The following DGKI variants were observed in gnomAD, a reference collection of about 807,000 sequenced individuals.
DGKI encodes the protein DAG kinase iota.
A neutral mutation model predicts 147.5 loss-of-function variants in DGKI; 55 were observed. That is an observed-to-expected ratio of 0.37 (90% CI 0.30 to 0.47). The LOEUF is 0.47. Ranked by LOEUF, DGKI falls within the 20% of genes least tolerant of loss-of-function variation. The pLI is 1.00. For synonymous variants in DGKI, 469 were observed against 477.1 expected, an observed-to-expected ratio of 0.98 and a Z score of 0.22; for missense variants, 1,007 against 1,323.8, an observed-to-expected ratio of 0.76 and a Z score of 3.71.
At chr7:137,715,992 A>G (rs889005616) in intron 1 of DGKI, among the ~76,000 whole-genome samples, 1 of 152,162 alleles carries the variant, frequency 6.6e-6, no homozygotes, top group Non-Finnish European at 1.5e-5. Flanking sequence ...GTCACCCACT[A>G]GGGCCAGAAT....
At chr7:137,684,671 T>C (rs1823355856) in intron 2 of DGKI, among the ~76,000 whole-genome samples, 1 of 152,212 alleles carries the variant, frequency 6.6e-6, no homozygotes, top group Admixed American at 6.5e-5. Context: ...GTCCCTTCAT[T>C]TACGTGGCTG....
intron 20 of DGKI, among the ~76,000 whole-genome samples, chr7:137,547,816 C>T (rs945491745): frequency 5.3e-5 from 8 of 152,194 alleles, no homozygotes; most frequent in Non-Finnish European, 8.8e-5. Flanking sequence ...GTACATCTAA[C>T]AGCTAGAAGT....
At chr7:137,659,586 T>G (rs1311640164) in intron 3 of DGKI, among the ~76,000 whole-genome samples, 15 of 152,246 alleles carry the variant, frequency 9.9e-5, no homozygotes, top group Non-Finnish European at 2.1e-4. Context: ...TATGAGCCAG[T>G]GCTTACTTCT....
chr7:137,579,299 T>C (rs1217768974), intron 15 of DGKI, among the ~76,000 whole-genome samples: 1 of 152,148 alleles, frequency 6.6e-6, no homozygotes, highest in Non-Finnish European at 1.5e-5. Context: ...CCACTCACTA[T>C]CTACTGACAA....
rs1192483687 is a variant in DGKI at position 137,509,663 on chromosome 7, T to C, written c.2248+12203A>G. On this transcript the variant is annotated intron_variant, in intron 21 of 32. Transcript: ENST00000614521. The stretch of plus-strand genomic sequence containing the variant: ...GTGATGATGGAGGACAAAGACCACT[T>C]GTCAATGCCTCAAAGGCAGTTTGAT... 2.0e-5 allele frequency among the ~76,000 whole-genome samples: 3 copies of C among 152,286 alleles called. No individual in the cohort carries two copies. The East Asian group carries it at 5.8e-4, about 29-fold the overall frequency.
At chr7:137,559,452 G>A (rs900371349) in intron 19 of DGKI, among the ~76,000 whole-genome samples, 12 of 151,798 alleles carry the variant, frequency 7.9e-5, no homozygotes, top group African/African-American at 2.7e-4. Flanking sequence ...GACTATATAA[G>A]TGATGTGATA....
chr7:137,432,306 C>T (rs1415852163), intron 28 of DGKI, among the ~76,000 whole-genome samples: 1 of 152,138 alleles, frequency 6.6e-6, no homozygotes, highest in Non-Finnish European at 1.5e-5. Context: ...GGGCTGTAAC[C>T]TGCAGGAAAT....
rs1819925236 is a variant in DGKI, at chr7:137,599,840, C to T, written c.1233G>A (p.Gln411=). Residue 411 remains glutamine (Q), a synonymous_variant, in exon 11 of 33, where the codon CAG becomes CAA. Transcript: ENST00000614521. ...AGACTTACGCATCTTTTGGCCCTTC[C>T]TGAGAAAGATCAAAGACTTGCCGTG... The part of the protein sequence containing the change: ...LNPRQVFDLS[Q]EGPKDALELY... 1 of 1,613,738 alleles carries T rather than the reference C, an allele frequency of 6.2e-7. No individual in the cohort carries two copies. Among genetic ancestry groups the T allele is most frequent in the Admixed American group, 1.7e-5 (1 of 59,992 alleles).
At chr7:137,793,097 T>C (rs1373256039) in intron 1 of DGKI, among the ~76,000 whole-genome samples, 1 of 152,184 alleles carries the variant, frequency 6.6e-6, no homozygotes, top group African/African-American at 2.4e-5. Flanking sequence ...TCTTTTTTCT[T>C]TTTGTGTAAA....
chr7:137,806,179 C>T (rs543250353), intron 1 of DGKI, among the ~76,000 whole-genome samples: 3 of 152,302 alleles, frequency 2.0e-5, no homozygotes, highest in South Asian at 4.1e-4. Flanking sequence ...ACGAGAAAAA[C>T]GGAGATATCA....
At chr7:137,628,207 T>C (rs978014957) in intron 6 of DGKI, among the ~76,000 whole-genome samples, 3 of 152,084 alleles carry the variant, frequency 2.0e-5, no homozygotes, top group Non-Finnish European at 2.9e-5. Flanking sequence ...TGGGAGAGAA[T>C]AGATACAATA....
chr7:137,398,693 C>T (rs1811641924), intron 30 of DGKI, among the ~76,000 whole-genome samples: 1 of 151,988 alleles, frequency 6.6e-6, no homozygotes, highest in South Asian at 2.1e-4. Context: ...CCTGGTCATC[C>T]AAATCATCTT....
At chr7:137,510,666 C>T (rs1316784870) in intron 21 of DGKI, among the ~76,000 whole-genome samples, 6 of 152,206 alleles carry the variant, frequency 3.9e-5, no homozygotes, top group African/African-American at 1.4e-4. Flanking sequence ...ATTTCTACAT[C>T]ATGCTGTCTG....
intron 6 of DGKI, among the ~76,000 whole-genome samples, chr7:137,635,304 C>T (rs1821271430): frequency 6.6e-6 from 1 of 152,174 alleles, no homozygotes; most frequent in African/African-American, 2.4e-5. Context: ...CAGCAAAAGA[C>T]ACCAAAGCTG....
At chr7:137,653,889 A>G (rs1585332388) in intron 5 of DGKI, among the ~76,000 whole-genome samples, 2 of 152,338 alleles carry the variant, frequency 1.3e-5, no homozygotes, top group Admixed American at 6.5e-5. Flanking sequence ...AGGCTGAACT[A>G]CATTCTAGGA....
chr7:137,508,459 C>T (rs1397579564), intron 21 of DGKI, among the ~76,000 whole-genome samples: 2 of 152,044 alleles, frequency 1.3e-5, no homozygotes, highest in Non-Finnish European at 2.9e-5. Flanking sequence ...ATCTCCTGAC[C>T]TCGTGATCTG....
At chr7:137,771,278 A>G (rs1344487700) in intron 1 of DGKI, among the ~76,000 whole-genome samples, 1 of 152,008 alleles carries the variant, frequency 6.6e-6, no homozygotes, top group African/African-American at 2.4e-5. Context: ...TTTAGTAGAG[A>G]TGGGGTTTCG....
intron 23 of DGKI, among the ~76,000 whole-genome samples, chr7:137,473,443 C>T (rs1815057394): frequency 6.6e-6 from 1 of 152,050 alleles, no homozygotes; most frequent in Admixed American, 6.6e-5. Context: ...TGTTCATTTT[C>T]CTGGACAGAA....
At chr7:137,469,971 C>T (rs775759139) in intron 23 of DGKI, among the ~76,000 whole-genome samples, 3 of 152,140 alleles carry the variant, frequency 2.0e-5, no homozygotes, top group Non-Finnish European at 2.9e-5. Flanking sequence ...GTCATTGACA[C>T]ATAGGTCTAA....
Sources: allele counts gnomAD v4.1 joint callset (sites outside exome capture counted in the v4.1 genomes callset), GRCh38; gene constraint gnomAD v4.1.1; transcripts MANE v1.5; gene names NCBI Gene and HGNC (gene_info 2026-07-23, HGNC 2026-07-21).